Variants in ST18 observed in about 807,000 individuals in gnomAD.
ST18 encodes ST18 C2H2C-type zinc finger transcription factor.
ST18 carries 50 observed loss-of-function variants against 110.0 expected under a neutral mutation model. The ratio of observed to expected loss-of-function variants is 0.45; its 90% CI spans 0.36 to 0.58. ST18 has a LOEUF of 0.58. Among genes scored for constraint, ST18 ranks in the 20% least tolerant of loss-of-function variants. ST18 has a pLI of 0.00. For synonymous variants in ST18, 461 were observed against 452.4 expected, an observed-to-expected ratio of 1.02 and a Z score of -0.24; for missense variants, 1,306 against 1,280.1, an observed-to-expected ratio of 1.02 and a Z score of -0.31.
chr8:52,129,798 A>G (rs1263461127), intron 22 of ST18, among the ~76,000 whole-genome samples: 3 of 152,134 alleles, frequency 2.0e-5, no homozygotes. Context: ...TAATTCCAGC[A>G]CTTTGGGAGG....
chr8:52,135,568 C>CAAA (rs71252929), intron 19 of ST18, among the ~76,000 whole-genome samples: 88 of 56,056 alleles, frequency 1.6e-3, no homozygotes, highest in African/African-American at 3.4e-3. Context: ...AACTCCATCT[C>CAAA]AAAAAAAAAA....
At chr8:52,136,812 G>T (rs372120143) in intron 18 of ST18, among the ~76,000 whole-genome samples, 154 bp from the exon 19 acceptor site, 11 of 152,202 alleles carry the variant, frequency 7.2e-5, no homozygotes, top group Admixed American at 2.6e-4. Context: ...TGCTCTTCTC[G>T]CCAGTCTGGG....
chr8:52,198,179 G>T lies in ST18; in HGVS notation c.86+13900C>A, dbSNP rs534145749. The stretch of plus-strand genomic sequence containing the variant: ...CCACCACCACGCCTGGCTAATTTTT[G>T]TATTTTCAGTAGAGATGGGGTTTCA... On this transcript the variant is annotated intron_variant, in intron 8 of 25. Transcript: ENST00000689386. Among the ~76,000 whole-genome samples the T allele has an allele frequency of 2.0e-5, 3 of 152,150 alleles. No homozygotes were observed. The South Asian group carries it at 6.2e-4, about 32-fold the overall frequency.
chr8:52,257,118 T>A (rs77199957), intron 2 of ST18, among the ~76,000 whole-genome samples: 3 of 152,360 alleles, frequency 2.0e-5, no homozygotes, highest in Non-Finnish European at 4.4e-5. Context: ...TTTATCCACA[T>A]TGTAGCATCT....
intron 8 of ST18, among the ~76,000 whole-genome samples, chr8:52,208,581 C>G (rs1259747329): frequency 6.6e-6 from 1 of 152,234 alleles, no homozygotes; most frequent in Non-Finnish European, 1.5e-5. Context: ...AATCCCAGCA[C>G]TTTGGGAGGC....
chr8:52,271,503 C>T (rs1411447748), intron 2 of ST18, among the ~76,000 whole-genome samples: 1 of 152,190 alleles, frequency 6.6e-6, no homozygotes, highest in African/African-American at 2.4e-5. Flanking sequence ...CCTGAAAGTG[C>T]ATGGAATCAT....
At chr8:52,247,596 T>C (rs1305390954) in intron 2 of ST18, among the ~76,000 whole-genome samples, 1 of 152,166 alleles carries the variant, frequency 6.6e-6, no homozygotes, top group Non-Finnish European at 1.5e-5. Flanking sequence ...GGAGGAACAT[T>C]AGCAGCTATA....
intron 9 of ST18, among the ~76,000 whole-genome samples, chr8:52,177,302 A>G (rs1362167603): frequency 3.3e-5 from 5 of 152,234 alleles, no homozygotes; most frequent in Admixed American, 3.3e-4. Flanking sequence ...GGTTGAGGAT[A>G]TGGATGAAGT....
chr8:52,295,825 C>T (rs2095626342), intron 2 of ST18, among the ~76,000 whole-genome samples: 1 of 148,998 alleles, frequency 6.7e-6, no homozygotes, highest in Non-Finnish European at 1.5e-5. Flanking sequence ...CCTGCCTCTT[C>T]CCTGCACGCT....
In ST18 at chr8:52,365,936, A is replaced by G. The variant is rs1827749839; in HGVS notation, c.-465+43392T>C. 2.0e-5 allele frequency among the ~76,000 whole-genome samples: 3 copies of G among 151,722 alleles called. No individual in the cohort carries two copies. The South Asian group carries it at 6.3e-4, about 32-fold the overall frequency. The stretch of plus-strand genomic sequence containing the variant: ...GGCTGGTCTCAAACTCCTAACTTCA[A>G]TCAATTCTCCTGCCTCGGCCCTACC... On this transcript the variant is annotated intron_variant, in intron 2 of 25. Coordinates refer to ENST00000689386, the MANE Select transcript of ST18 (RefSeq NM_001352837.2).
At chr8:52,195,372 A>G (rs535426876) in intron 8 of ST18, among the ~76,000 whole-genome samples, 3 of 152,284 alleles carry the variant, frequency 2.0e-5, no homozygotes, top group South Asian at 4.1e-4. Context: ...ACTTCAAAAT[A>G]CTTTCTTTTG....
chr8:52,118,500 T>C (rs2130635935), intron 23 of ST18, 59 bp from the exon 24 acceptor site: 1 of 986,588 alleles, frequency 1.0e-6, no homozygotes, highest in Non-Finnish European at 1.5e-6. Context: ...TGAGTCATTA[T>C]ATGTTTAATT....
At chr8:52,244,802 C>A (rs2137859495) in intron 2 of ST18, among the ~76,000 whole-genome samples, 1 of 152,242 alleles carries the variant, frequency 6.6e-6, no homozygotes, top group South Asian at 2.1e-4. Context: ...TAATTATATG[C>A]ATCAATAAAA....
intron 2 of ST18, among the ~76,000 whole-genome samples, chr8:52,242,872 C>CAA (rs200931792): frequency 0.033 from 4,297 of 129,012 alleles, 193 homozygotes; most frequent in African/African-American, 0.11. Context: ...GACTCTGCCT[C>CAA]AAAAAAAAAA....
intron 2 of ST18, among the ~76,000 whole-genome samples, chr8:52,343,122 T>C (rs918788107): frequency 4.6e-5 from 7 of 151,996 alleles, no homozygotes; most frequent in Admixed American, 3.9e-4. Context: ...GTGCCTATCA[T>C]AAACAAGAGA....
intron 8 of ST18, among the ~76,000 whole-genome samples, chr8:52,204,372 A>T (rs1430150269): frequency 6.6e-6 from 1 of 152,154 alleles, no homozygotes. Context: ...TGTGCCTCTC[A>T]AACTTCCAAA....
At chr8:52,377,789 A>G (rs1181271854) in intron 2 of ST18, among the ~76,000 whole-genome samples, 1 of 152,222 alleles carries the variant, frequency 6.6e-6, no homozygotes, top group Non-Finnish European at 1.5e-5. Flanking sequence ...TTTCTAAGTG[A>G]TATCTGTACT....
intron 2 of ST18, among the ~76,000 whole-genome samples, chr8:52,403,168 T>C (rs936057165): frequency 6.6e-6 from 1 of 151,510 alleles, no homozygotes; most frequent in Non-Finnish European, 1.5e-5. Flanking sequence ...GGGTATGGAG[T>C]TGCTGCAGCT....
chr8:52,143,102 G>T, intron 16 of ST18, 57 bp from the exon 17 acceptor site: 1 of 1,103,840 alleles, frequency 9.1e-7, no homozygotes, highest in Non-Finnish European at 1.4e-6. Context: ...ACCCTGGAAA[G>T]ACAACTAGAT....
Sources: allele counts gnomAD v4.1 joint callset (sites outside exome capture counted in the v4.1 genomes callset), GRCh38; gene constraint gnomAD v4.1.1; transcripts MANE v1.5; gene names NCBI Gene and HGNC (gene_info 2026-07-23, HGNC 2026-07-21).